CACNA1G: variants seen among roughly 807,000 people sequenced by gnomAD.
CACNA1G encodes voltage-dependent T-type calcium channel subunit alpha-1G.
CACNA1G carries 67 observed loss-of-function variants against 219.4 expected under a neutral mutation model. That is an observed-to-expected ratio of 0.31 (90% CI 0.25 to 0.37). The LOEUF (loss-of-function observed/expected upper bound fraction) is 0.37. Among genes scored for constraint, CACNA1G ranks in the 10% least tolerant of loss-of-function variants. The pLI, the probability that CACNA1G is intolerant of heterozygous loss-of-function variation, is 1.00. For missense variants in CACNA1G, 2,380 were observed against 3,231.4 expected (o/e 0.74, Z 6.39); for synonymous variants, 1,296 against 1,345.3 (o/e 0.96, Z 0.80).
In CACNA1G at chr17:50,619,808, G is replaced by A. The variant is rs1355330571; in HGVS notation, c.5907G>A (p.Leu1969=). ...QPSAFPSAPS[L]GGSDPQIPLA... The stretch of plus-strand genomic sequence containing the variant: ...CTGCCTTCCCTTCTGCCCCCAGCCT[G>A]GGAGGCTCCGACCCACAGGTTACTG... The change falls in exon 34 of 38, where the codon CTG becomes CTA. Residue 1969 remains leucine (L), a synonymous_variant. Transcript: ENST00000359106. The A allele has an allele frequency of 2.5e-6, 4 of 1,605,384 alleles. No homozygotes were observed. The Admixed American group carries it at 5.0e-5, about 20-fold the overall frequency.
rs2048091655 is a variant in CACNA1G, at chr17:50,606,959, T to C, written c.4482T>C (p.Asp1494=). The C allele has an allele frequency of 3.1e-6, 5 of 1,613,812 alleles. No individual in the cohort carries two copies. Among genetic ancestry groups the C allele is most frequent in the Admixed American group, 1.7e-5 (1 of 59,996 alleles). The change falls in exon 24 of 38, where the codon GAT becomes GAC. Residue 1494 remains aspartate, a synonymous_variant. Transcript: ENST00000359106. ...SKDGWVDIMY[D]GLDAVGVDQQ... The stretch of plus-strand genomic sequence containing the variant: ...ATGGTTGGGTGGACATCATGTACGA[T>C]GGGCTGGATGCTGTGGGCGTGGACC...
chr17:50,590,081 C>T (rs1344587720), intron 9 of CACNA1G, among the ~76,000 whole-genome samples: 1 of 152,154 alleles, frequency 6.6e-6, no homozygotes, highest in Non-Finnish European at 1.5e-5. Context: ...GGCGATCGCC[C>T]TCTGACATCC....
chr17:50,568,734 T>C, intron 1 of CACNA1G, 136 bp from the exon 2 acceptor site: 1 of 710,664 alleles, frequency 1.4e-6, no homozygotes, highest in South Asian at 1.5e-5. Flanking sequence ...GGTCTGCGTG[T>C]ATGTCAGGGC....
At chr17:50,616,473 T>G in intron 28 of CACNA1G, 89 bp downstream of exon 28, 1 of 772,994 alleles carries the variant, frequency 1.3e-6, no homozygotes, top group South Asian at 1.9e-5. Context: ...ACCTAGTGTC[T>G]AAGACTTTTC....
rs767264226 is a variant in CACNA1G at position 50,599,866 on chromosome 17, C to T, written c.3690+7C>T. On this transcript the variant is annotated splice_region_variant and intron_variant, in intron 17 of 37. Transcript: ENST00000359106. Reference sequence around the variant, plus strand: ...CGATGACGAGGGCAACCTGGTGAGGCCCCTGTGGGCACAGTGACCCCTCAC... The same window carrying T: ...CGATGACGAGGGCAACCTGGTGAGGTCCCTGTGGGCACAGTGACCCCTCAC... The T allele has an allele frequency of 1.7e-5, 28 of 1,601,436 alleles. No homozygotes were observed. The highest frequency in any genetic ancestry group is 2.2e-5 in the East Asian group (1 of 44,824).
intron 9 of CACNA1G, among the ~76,000 whole-genome samples, chr17:50,589,985 G>A (rs1367034106): frequency 6.6e-6 from 1 of 151,834 alleles, no homozygotes. Context: ...TGTTGTCCAA[G>A]AGAAAGCTGC....
intron 9 of CACNA1G, among the ~76,000 whole-genome samples, chr17:50,583,152 G>A (rs1399062527): frequency 3.3e-5 from 5 of 152,116 alleles, no homozygotes; most frequent in African/African-American, 1.2e-4. Flanking sequence ...AAAGGTTGAT[G>A]GACACCTCCC....
Position 50,607,812 on chromosome 17 carries a change from C to T in CACNA1G, c.4513-15C>T. 1 of 1,611,970 alleles carries T rather than the reference C, an allele frequency of 6.2e-7. No individual in the cohort carries two copies. Among genetic ancestry groups the T allele is most frequent in the Non-Finnish European group, 8.5e-7 (1 of 1,178,904 alleles). On this transcript the variant is annotated splice_polypyrimidine_tract_variant and intron_variant, in intron 24 of 37. Coordinates refer to ENST00000359106, the MANE Select transcript of CACNA1G (RefSeq NM_018896.5). ...CGGGCTGATGCCTCCGCCTGTCCTT[C>T]CTGCTCCCCGCCAGCCCATCATGAA...
In CACNA1G at chr17:50,561,273, C is replaced by T; in HGVS notation, c.-187C>T. On this transcript the variant is annotated 5_prime_UTR_variant, in exon 1 of 38. Coordinates refer to ENST00000359106, the MANE Select transcript of CACNA1G (RefSeq NM_018896.5). ...GCGGGGTTTCCCTGCGCCCCGGCGC[C>T]CCGCGGGCAGCATGCCCCTGCGGGC... 1.6e-6 allele frequency: 1 copy of T among 620,612 alleles called. No individual in the cohort carries two copies. The highest frequency in any genetic ancestry group is 2.6e-6 in the Non-Finnish European group (1 of 377,364). 38.4% of individuals were successfully genotyped at this position (620,612 alleles called of 1,614,324 possible).
Position 50,618,580 on chromosome 17 carries a change from C to T in CACNA1G, c.5428-75C>T. 1 of 1,207,906 alleles carries T rather than the reference C, an allele frequency of 8.3e-7. No homozygotes were observed. Among genetic ancestry groups the T allele is most frequent in the Non-Finnish European group, 1.2e-6 (1 of 838,678 alleles). 74.8% of individuals were successfully genotyped at this position (1,207,906 alleles called of 1,614,324 possible). ...TCCCATCCTCCAATGCTCTGTGACA[C>T]CAGTGACCTGATTTTCCACAACAGC... On this transcript the variant is annotated intron_variant, in intron 32 of 37. Transcript: ENST00000359106. The surrounding 1 kb of genome is among the most constrained non-coding windows in gnomAD (Gnocchi z 5.3).
chr17:50,586,441 C>T (rs931394952), intron 9 of CACNA1G, among the ~76,000 whole-genome samples: 7 of 152,176 alleles, frequency 4.6e-5, no homozygotes, highest in African/African-American at 1.7e-4. Context: ...CTGGGGACAC[C>T]CTCCATGGAC....
chr17:50,617,391 A>G lies in CACNA1G; in HGVS notation c.5022-47A>G. 2 of 1,574,622 alleles carry G rather than the reference A, an allele frequency of 1.3e-6. No homozygotes were observed. The highest frequency in any genetic ancestry group is 2.3e-5 in the South Asian group (2 of 85,788). ...CTGTGCCACGACTGCCCCCTCCTTCAGGAACCCCCTCCCCCAACTCAGGGA... is the reference window on the plus strand; with the variant it reads ...CTGTGCCACGACTGCCCCCTCCTTCGGGAACCCCCTCCCCCAACTCAGGGA... On this transcript the variant is annotated intron_variant, in intron 28 of 37. Transcript: ENST00000359106. The surrounding 1 kb of genome is among the most constrained non-coding windows in gnomAD (Gnocchi z 5.8).
In CACNA1G at chr17:50,604,222, G is replaced by A; in HGVS notation, c.4237G>A (p.Gly1413Ser). 2 of 1,613,840 alleles carry A rather than the reference G, an allele frequency of 1.2e-6. No individual in the cohort carries two copies. Among genetic ancestry groups the A allele is most frequent in the Non-Finnish European group, 1.7e-6 (2 of 1,179,782 alleles). The change falls in exon 22 of 38, where the codon GGC becomes AGC. Residue 1413 changes from glycine (G) to serine (S), a missense_variant. Gly to Ser is a moderately conservative substitution (Grantham distance 56). Around this residue, in one of 17 missense-constraint regions of CACNA1G, gnomAD observed 153 missense variants for 374.9 expected, o/e 0.41. Transcript: ENST00000359106. Reference protein sequence around the residue: ...ETLMSSLKPIGNIVVICCAFF... With the variant: ...ETLMSSLKPISNIVVICCAFF... ...GCTGATGTCCTCACTGAAACCCATC[G>A]GCAACATTGTAGTCATCTGCTGTGC...
At chr17:50,590,697 A>G (rs1165940542) in intron 10 of CACNA1G, 75 bp downstream of exon 10, 1 of 1,433,506 alleles carries the variant, frequency 7.0e-7, no homozygotes, top group Non-Finnish European at 9.6e-7. Context: ...GGGCCATGCC[A>G]CCTATTCCCC....
At position 50,571,165 on chromosome 17, in the gene CACNA1G, GT is replaced by G. The variant is rs1291377692; in HGVS notation, c.587-712del. ...AAATTGATGGACTTCTGAGAAGACA[GT>G]ATTGTATCTCTTCAGGTCCTGATTT... On this transcript the variant is annotated intron_variant, in intron 4 of 37. Coordinates refer to ENST00000359106, the MANE Select transcript of CACNA1G (RefSeq NM_018896.5). This position sits in a 1 kb window ranked among gnomAD's most constrained non-coding sequence, Gnocchi z 4.3. 1.3e-5 allele frequency among the ~76,000 whole-genome samples: 2 copies of G among 152,222 alleles called. No homozygotes were observed. Among genetic ancestry groups the G allele is most frequent in the African/African-American group, 4.8e-5 (2 of 41,454 alleles).
Position 50,569,655 on chromosome 17 carries a change from CCCA to C in CACNA1G, c.489-49_489-47del, listed in dbSNP as rs1567964319. 3.0e-6 allele frequency: 4 copies of C among 1,315,480 alleles called. No individual in the cohort carries two copies. In the African/African-American group the frequency reaches 4.4e-5, roughly 14 times the overall value. 81.5% of individuals were successfully genotyped at this position (1,315,480 alleles called of 1,614,324 possible). A position where few individuals can be genotyped will look rare whatever the true frequency, so the allele number is the denominator to read the frequency against. The stretch of plus-strand genomic sequence containing the variant: ...GGATTCCTCATTGACCTCTTTTGAC[CCCA>C]CTGTGGCCTCAGACTCAAAGGGCCT... On this transcript the variant is annotated intron_variant, in intron 3 of 37. Transcript: ENST00000359106.
rs747343834 is a variant in CACNA1G, at chr17:50,599,933, G to T, written c.3690+74G>T. On this transcript the variant is annotated intron_variant, in intron 17 of 37. Transcript: ENST00000359106. ...GGGGAGGTGTGCCTGGCCTGGCAGG[G>T]TATAAGGGAGTTACCATTCCAAGCC... 2.8e-6 allele frequency: 4 copies of T among 1,406,062 alleles called. No individual in the cohort carries two copies. The Admixed American group carries it at 8.0e-5, about 28-fold the overall frequency. 87.1% of individuals were successfully genotyped at this position (1,406,062 alleles called of 1,614,324 possible).
chr17:50,575,252 TA>T (rs1281601167), intron 7 of CACNA1G, among the ~76,000 whole-genome samples: 1 of 152,164 alleles, frequency 6.6e-6, no homozygotes, highest in Admixed American at 6.5e-5. Flanking sequence ...CCATGTTCAA[TA>T]GCAATATCTT....
At chr17:50,606,483 T>C (rs1025067736) in intron 23 of CACNA1G, 1 of 579,440 alleles carries the variant, frequency 1.7e-6, no homozygotes, top group African/African-American at 1.9e-5. Flanking sequence ...AAGGATGCAA[T>C]GAGATGATGT....
Sources: allele counts gnomAD v4.1 joint callset (sites outside exome capture counted in the v4.1 genomes callset), GRCh38; gene constraint gnomAD v4.1.1; regional missense constraint gnomAD v4.1.1; non-coding constraint Gnocchi (gnomAD v3.1); transcripts MANE v1.5; gene names NCBI Gene and HGNC (gene_info 2026-07-23, HGNC 2026-07-21).